Variants in ANKS6 observed in about 807,000 individuals in gnomAD.
ANKS6 encodes the protein ankyrin repeat and sterile alpha motif domain containing 6, also known as ankyrin repeat and SAM domain-containing protein 6.
Under a neutral mutation model 77.9 loss-of-function variants are expected in ANKS6, and 47 were observed. The ratio of observed to expected loss-of-function variants is 0.60; its 90% CI spans 0.48 to 0.77. The LOEUF is 0.77. Among genes scored for constraint, ANKS6 ranks in the 30% least tolerant of loss-of-function variants. The pLI is 0.00. For synonymous variants in ANKS6, 488 were observed against 501.7 expected, an observed-to-expected ratio of 0.97 and a Z score of 0.37; for missense variants, 1,150 against 1,159.1, an observed-to-expected ratio of 0.99 and a Z score of 0.11.
intron 9 of ANKS6, 102 bp from the exon 10 acceptor site, chr9:98,771,148 C>CA (rs2118034146): frequency 7.8e-7 from 1 of 1,281,824 alleles, no homozygotes; most frequent in South Asian, 2.5e-5. Flanking sequence ...GTGCATACCC[C>CA]ACCAAAGCTC....
chr9:98,776,063 A>C (rs909028014), intron 8 of ANKS6, among the ~76,000 whole-genome samples: 7 of 152,186 alleles, frequency 4.6e-5, no homozygotes, highest in Non-Finnish European at 1.0e-4. Flanking sequence ...CTTAGCGCTA[A>C]AGGGACTCAA....
At chr9:98,746,501 C>T (rs552457287) in intron 13 of ANKS6, among the ~76,000 whole-genome samples, 68 of 151,734 alleles carry the variant, frequency 4.5e-4, no homozygotes, top group African/African-American at 1.2e-3. Flanking sequence ...TTCAGATAGA[C>T]GGAGTCATTT....
In ANKS6 at chr9:98,733,923, A is replaced by C. The variant is rs1053041169; in HGVS notation, c.*2596T>G. 4.1e-6 allele frequency: 4 copies of C among 985,180 alleles called. No homozygotes were observed. The highest frequency in any genetic ancestry group is 6.2e-5 in the Admixed American group (1 of 16,244). The allele number at this position is 985,180 out of a possible 1,614,324, so 61.0% of individuals were successfully genotyped here. A position where few individuals can be genotyped will look rare whatever the true frequency, so the allele number is the denominator to read the frequency against. ...GCTGGTGAAGGTTGCCAAGCAAGGG[A>C]GGTGCTTCTTGTGGGGGGAACAGCC... On this transcript the variant is annotated 3_prime_UTR_variant, in exon 15 of 15. Transcript: ENST00000353234.
chr9:98,756,317 G>C, intron 12 of ANKS6, 103 bp downstream of exon 12: 1 of 1,296,674 alleles, frequency 7.7e-7, no homozygotes, highest in Non-Finnish European at 1.1e-6. Context: ...CTTAAAACCT[G>C]ACCTAGGATG....
chr9:98,778,987 G>A (rs73493956), intron 6 of ANKS6, among the ~76,000 whole-genome samples: 4,373 of 152,272 alleles, frequency 0.029, 197 homozygotes, highest in African/African-American at 0.1. Context: ...GAACAGCCAC[G>A]AAGGGCATCT....
rs189271439 is a variant in ANKS6, at chr9:98,732,164, C to T, written c.*4355G>A. 87 of 340,512 alleles carry T rather than the reference C, an allele frequency of 2.6e-4. No homozygotes were observed. Among genetic ancestry groups the T allele is most frequent in the South Asian group, 3.4e-4 (8 of 23,852 alleles). 21.1% of individuals were successfully genotyped at this position (340,512 alleles called of 1,614,324 possible). A position where few individuals can be genotyped will look rare whatever the true frequency, so the allele number is the denominator to read the frequency against. ...TCACAGTGCCTCCTGCTGATGGCAC[C>T]TTCATTCTGGCTGCAGAATTCTCCC... On this transcript the variant is annotated 3_prime_UTR_variant, in exon 15 of 15. Coordinates refer to ENST00000353234, the MANE Select transcript of ANKS6 (RefSeq NM_173551.5).
rs1307820995 is a variant in ANKS6 at position 98,735,291 on chromosome 9, T to G, written c.*1228A>C. 1.0e-6 allele frequency: 1 copy of G among 996,002 alleles called. No homozygotes were observed. The highest frequency in any genetic ancestry group is 1.7e-5 in the African/African-American group (1 of 57,774). 61.7% of individuals were successfully genotyped at this position (996,002 alleles called of 1,614,324 possible). A position where few individuals can be genotyped will look rare whatever the true frequency, so the allele number is the denominator to read the frequency against. On this transcript the variant is annotated 3_prime_UTR_variant, in exon 15 of 15. Coordinates refer to ENST00000353234, the MANE Select transcript of ANKS6 (RefSeq NM_173551.5). ...AATGTCGGGACCATCTATTTACAGG[T>G]GTTCTCTTGCCTGTCGAGAGCCTGA...
chr9:98,741,080 T>G (rs1480989967), intron 14 of ANKS6, among the ~76,000 whole-genome samples: 1 of 152,236 alleles, frequency 6.6e-6, no homozygotes, highest in Non-Finnish European at 1.5e-5. Context: ...CTGTGAGGAT[T>G]AGAAGGCCTT....
Position 98,784,179 on chromosome 9 carries a change from C to T in ANKS6, c.908-22G>A, listed in dbSNP as rs200032666. The T allele has an allele frequency of 3.8e-5, 57 of 1,505,836 alleles. No homozygotes were observed. In the East Asian group the frequency reaches 9.3e-4, roughly 25 times the overall value. The allele number at this position is 1,505,836 out of a possible 1,614,324, so 93.3% of individuals were successfully genotyped here. ...TTTCCTGCAAACACAAGCAGGAGTC[C>T]GGGTGAACTGTGGGCCTGGTACCAT... On this transcript the variant is annotated intron_variant, in intron 3 of 14. Transcript: ENST00000353234.
At chr9:98,746,557 G>T (rs1832142079) in intron 13 of ANKS6, among the ~76,000 whole-genome samples, 2 of 150,752 alleles carry the variant, frequency 1.3e-5, no homozygotes, top group Admixed American at 1.3e-4. Context: ...CCACTTTGGA[G>T]ACAGGGAAAC....
Position 98,792,326 on chromosome 9 carries a change from C to T in ANKS6, c.360-1720G>A, listed in dbSNP as rs139307854. Among the ~76,000 whole-genome samples, 803 of 152,220 alleles carry T rather than the reference C, an allele frequency of 5.3e-3. 7 individuals are homozygous for T. Among genetic ancestry groups the T allele is most frequent in the African/African-American group, 0.018 (749 of 41,518 alleles). Reference sequence around the variant, plus strand: ...CCCCTCTTCTGAGCACCTAATTCCACGGGCTCGCCTCTGGCTGCACGTGAG... The same window carrying T: ...CCCCTCTTCTGAGCACCTAATTCCATGGGCTCGCCTCTGGCTGCACGTGAG... On this transcript the variant is annotated intron_variant, in intron 1 of 14. Coordinates refer to ENST00000353234, the MANE Select transcript of ANKS6 (RefSeq NM_173551.5).
At chr9:98,743,794 G>A (rs1440249812) in intron 14 of ANKS6, among the ~76,000 whole-genome samples, 3 of 152,228 alleles carry the variant, frequency 2.0e-5, no homozygotes, top group Non-Finnish European at 4.4e-5. Flanking sequence ...TTGGCACAGA[G>A]TGATTCTGAA....
intron 9 of ANKS6, among the ~76,000 whole-genome samples, chr9:98,771,372 CATCCAGGACAAA>C (rs1278961527): frequency 6.6e-6 from 1 of 152,222 alleles, no homozygotes; most frequent in Non-Finnish European, 1.5e-5. Flanking sequence ...GGCCTCAGCA[CATCCAGGACAAA>C]ATCCAGCCCC....
intron 1 of ANKS6, among the ~76,000 whole-genome samples, chr9:98,795,764 TG>T (rs1835140568): frequency 6.6e-6 from 1 of 152,042 alleles, no homozygotes; most frequent in African/African-American, 2.4e-5. Context: ...ATGCCCTGGG[TG>T]GGGACTCTGC....
intron 13 of ANKS6, 120 bp downstream of exon 13, chr9:98,750,909 T>C: frequency 2.6e-6 from 2 of 754,778 alleles, no homozygotes; most frequent in Non-Finnish European, 4.4e-6. Flanking sequence ...CGAATTCTAT[T>C]TCCTCAACTG....
At chr9:98,774,154 T>G in intron 8 of ANKS6, 74 bp from the exon 9 acceptor site, 1 of 1,296,462 alleles carries the variant, frequency 7.7e-7, no homozygotes, top group Non-Finnish European at 1.0e-6. Context: ...CTCCATGTTT[T>G]TCCTGCTTCT....
At chr9:98,776,400 CT>C (rs11320839) in intron 8 of ANKS6, among the ~76,000 whole-genome samples, 123,433 of 138,936 alleles carry the variant, frequency 0.89, 54,912 homozygotes, top group Non-Finnish European at 0.92. Context: ...GCCAAAAACC[CT>C]TTTTTTTTTT....
chr9:98,774,388 G>C (rs1833810798), intron 8 of ANKS6, among the ~76,000 whole-genome samples: 1 of 152,192 alleles, frequency 6.6e-6, no homozygotes, highest in Non-Finnish European at 1.5e-5. Flanking sequence ...AGGGGAACTG[G>C]GAGAACACAG....
intron 11 of ANKS6, among the ~76,000 whole-genome samples, chr9:98,762,100 T>C (rs1800149935): frequency 6.6e-6 from 1 of 152,220 alleles, no homozygotes; most frequent in African/African-American, 2.4e-5. Flanking sequence ...ATTAGATTTA[T>C]ACCTAAGTAT....
Sources: allele counts gnomAD v4.1 joint callset (sites outside exome capture counted in the v4.1 genomes callset), GRCh38; gene constraint gnomAD v4.1.1; transcripts MANE v1.5; gene names NCBI Gene and HGNC (gene_info 2026-07-23, HGNC 2026-07-21).